The following GALNT14 variants were observed in gnomAD, a reference collection of about 807,000 sequenced individuals.
The protein encoded by GALNT14 is polypeptide N-acetylgalactosaminyltransferase 14, also known as UDP-GalNAc:polypeptide N-acetylgalactosaminyltransferase 14.
In GALNT14, 60 loss-of-function variants were observed where a neutral mutation model predicts 77.5. The observed-to-expected ratio is 0.77, with a 90% CI of 0.63 to 0.96. GALNT14 has a LOEUF of 0.96. Ranked by LOEUF, GALNT14 falls within the 40% of genes least tolerant of loss-of-function variation. The probability of loss-of-function intolerance (pLI) is 0.00; values close to 1 mark genes in which losing one functional copy is unlikely to be tolerated. For missense variants in GALNT14, 710 were observed against 731.0 expected, an observed-to-expected ratio of 0.97 and a Z score of 0.33; for synonymous variants, 280 against 281.7, an observed-to-expected ratio of 0.99 and a Z score of 0.06.
At chr2:31,094,828 C>T (rs1676923047) in intron 1 of GALNT14, among the ~76,000 whole-genome samples, 1 of 152,124 alleles carries the variant, frequency 6.6e-6, no homozygotes, top group Non-Finnish European at 1.5e-5. Context: ...GAGCTCTGGA[C>T]CCATTGCTGC....
intron 1 of GALNT14, among the ~76,000 whole-genome samples, chr2:31,022,055 T>C (rs1671754440): frequency 6.6e-6 from 1 of 152,228 alleles, no homozygotes; most frequent in Non-Finnish European, 1.5e-5. Flanking sequence ...AGAAGAAAGA[T>C]TCCGTCTTCC....
chr2:31,002,744 T>C (rs995193836), intron 1 of GALNT14, among the ~76,000 whole-genome samples: 1 of 152,158 alleles, frequency 6.6e-6, no homozygotes, highest in Admixed American at 6.5e-5. Flanking sequence ...CTGCAGAGAA[T>C]GGATGGTCTG....
chr2:31,128,528 G>A (rs1678811506), intron 1 of GALNT14, among the ~76,000 whole-genome samples: 1 of 152,308 alleles, frequency 6.6e-6, no homozygotes, highest in African/African-American at 2.4e-5. Context: ...CATCAAGAAA[G>A]GGACTCAAAC....
chr2:30,938,406 T>C (rs951566056), intron 9 of GALNT14, among the ~76,000 whole-genome samples: 6 of 149,064 alleles, frequency 4.0e-5, no homozygotes, highest in African/African-American at 1.5e-4. Context: ...TCTCTCTCTC[T>C]CTAACAGACT....
At chr2:31,000,235 G>A (rs1295825819) in intron 1 of GALNT14, among the ~76,000 whole-genome samples, 1 of 152,158 alleles carries the variant, frequency 6.6e-6, no homozygotes, top group East Asian at 1.9e-4. Context: ...CTGAAGTGGG[G>A]ATATAGGAAG....
At chr2:31,035,112 G>T (rs1672635796) in intron 1 of GALNT14, among the ~76,000 whole-genome samples, 1 of 152,188 alleles carries the variant, frequency 6.6e-6, no homozygotes, top group African/African-American at 2.4e-5. Context: ...GGCCAAGTTA[G>T]TTTGCGGTGT....
intron 8 of GALNT14, among the ~76,000 whole-genome samples, chr2:30,944,535 CA>C (rs1426970581): frequency 6.6e-6 from 1 of 152,138 alleles, no homozygotes; most frequent in Non-Finnish European, 1.5e-5. Context: ...CCTAAGGGAC[CA>C]TCTTTCCCCT....
chr2:30,997,020 C>T (rs1670077830), intron 1 of GALNT14, among the ~76,000 whole-genome samples: 1 of 152,194 alleles, frequency 6.6e-6, no homozygotes, highest in Admixed American at 6.5e-5. Flanking sequence ...TTTTATAAGG[C>T]AGCTTGCACG....
At chr2:31,011,381 C>CA (rs1671020432) in intron 1 of GALNT14, among the ~76,000 whole-genome samples, 1 of 152,208 alleles carries the variant, frequency 6.6e-6, no homozygotes. Context: ...ATCTGGCCTC[C>CA]ACAACCTTGA....
chr2:30,960,682 G>A (rs1667641786), intron 3 of GALNT14, among the ~76,000 whole-genome samples: 1 of 152,100 alleles, frequency 6.6e-6, no homozygotes, highest in African/African-American at 2.4e-5. Flanking sequence ...TCCAGTCCAA[G>A]GGACCTAGCC....
Position 30,955,697 on chromosome 2 carries a change from C to T in GALNT14, c.575G>A (p.Gly192Asp), listed in dbSNP as rs149891806. The T allele has an allele frequency of 3.1e-6, 5 of 1,614,064 alleles. No individual in the cohort carries two copies. The highest frequency in any genetic ancestry group is 1.3e-5 in the African/African-American group (1 of 74,932). The change falls in exon 6 of 15, where the codon GGC (glycine) becomes GAC (aspartate). Residue 192 changes from glycine (G) to aspartate (D), a missense_variant. By Grantham distance (94) the Gly-to-Asp change is moderately conservative. Coordinates refer to ENST00000349752, the MANE Select transcript of GALNT14 (RefSeq NM_024572.4). ...SRIRGADIAQ[G>D]TTLTFLDSHC... ...GCTGTCGAGGAAAGTCAGAGTGGTGCCCTGGGCGATGTCAGCGCCCCGAAT... is the reference window on the plus strand; with the variant it reads ...GCTGTCGAGGAAAGTCAGAGTGGTGTCCTGGGCGATGTCAGCGCCCCGAAT...
intron 2 of GALNT14, among the ~76,000 whole-genome samples, chr2:30,987,706 TC>T (rs1558469176): frequency 5.9e-4 from 74 of 124,814 alleles, no homozygotes; most frequent in African/African-American, 1.7e-3. Flanking sequence ...GCCTTCCTCC[TC>T]CCTCCCCCTC....
the GALNT14 span, among the ~76,000 whole-genome samples, chr2:30,904,232 TC>T: frequency 6.6e-6 from 1 of 152,112 alleles, no homozygotes; most frequent in Non-Finnish European, 1.5e-5. Flanking sequence ...TAGGAACAGC[TC>T]CCGTCTACAG....
intron 9 of GALNT14, among the ~76,000 whole-genome samples, chr2:30,934,883 G>C (rs1458740203): frequency 6.6e-6 from 1 of 152,090 alleles, no homozygotes; most frequent in African/African-American, 2.4e-5. Context: ...TTCCATGATT[G>C]GCTGAGGTAT....
intron 2 of GALNT14, among the ~76,000 whole-genome samples, chr2:30,985,150 GTGAATGAATGAA>G (rs58766997): frequency 1.3e-5 from 2 of 151,186 alleles, no homozygotes; most frequent in Non-Finnish European, 2.9e-5. Flanking sequence ...AAATGAGTGA[GTGAATGAATGAA>G]TGAATGAATG....
intron 1 of GALNT14, among the ~76,000 whole-genome samples, chr2:31,059,263 A>C (rs1558534768): frequency 6.6e-6 from 1 of 152,174 alleles, no homozygotes; most frequent in African/African-American, 2.4e-5. Flanking sequence ...AAACAGTATT[A>C]GTTCTCCTTG....
intron 1 of GALNT14, among the ~76,000 whole-genome samples, chr2:31,126,416 C>T (rs1402124109): frequency 6.6e-6 from 1 of 152,122 alleles, no homozygotes; most frequent in Non-Finnish European, 1.5e-5. Flanking sequence ...CCCTGGCTTA[C>T]TTATAAACAG....
At position 31,125,289 on chromosome 2, in the gene GALNT14, A is replaced by T. The variant is rs1456578614; in HGVS notation, c.129+12669T>A. On this transcript the variant is annotated intron_variant, in intron 1 of 14. Transcript: ENST00000349752. ...CACAAGAAAGAAGAGCAACATGGTC[A>T]TTTCTTTGGCAATTAATAGCAGCAT... 7.6e-6 allele frequency: 11 copies of T among 1,441,990 alleles called. No individual in the cohort carries two copies. In the East Asian group the frequency reaches 2.2e-4, roughly 29 times the overall value. The allele number at this position is 1,441,990 out of a possible 1,614,324, so 89.3% of individuals were successfully genotyped here.
intron 1 of GALNT14, among the ~76,000 whole-genome samples, chr2:31,128,758 G>A (rs991092265): frequency 6.6e-6 from 1 of 152,144 alleles, no homozygotes. Context: ...TTGCACCACC[G>A]AGTCTGCCGT....
Sources: allele counts gnomAD v4.1 joint callset (sites outside exome capture counted in the v4.1 genomes callset), GRCh38; gene constraint gnomAD v4.1.1; transcripts MANE v1.5; gene names NCBI Gene and HGNC (gene_info 2026-07-23, HGNC 2026-07-21).